The following KCNT1 variants were observed in gnomAD, a reference collection of about 807,000 sequenced individuals.
KCNT1 encodes potassium sodium-activated channel subfamily T member 1.
KCNT1 carries 78 observed loss-of-function variants against 147.8 expected under a neutral mutation model. The observed-to-expected ratio is 0.53, with a 90% CI of 0.44 to 0.64. KCNT1 has a LOEUF of 0.64. KCNT1 is among the 30% of genes least tolerant of loss of function. KCNT1 has a pLI of 0.00. For synonymous variants in KCNT1, 867 were observed against 748.8 expected (o/e 1.16, Z -2.58); for missense variants, 1,419 against 1,750.3 (o/e 0.81, Z 3.38).
At chr9:135,745,807 G>A (rs1830802374) in intron 2 of KCNT1, among the ~76,000 whole-genome samples, 1 of 152,242 alleles carries the variant, frequency 6.6e-6, no homozygotes, top group Non-Finnish European at 1.5e-5. Flanking sequence ...AGGGCTCACT[G>A]GGTCTCAGCC....
intron 1 of KCNT1, among the ~76,000 whole-genome samples, chr9:135,708,043 A>G (rs143502371): frequency 2.6e-5 from 4 of 152,308 alleles, no homozygotes; most frequent in African/African-American, 9.6e-5. Context: ...GTGCAAAGGA[A>G]GCGTTGAGTT....
chr9:135,710,734 T>C (rs1373037192), intron 1 of KCNT1, among the ~76,000 whole-genome samples: 1 of 152,224 alleles, frequency 6.6e-6, no homozygotes, highest in African/African-American at 2.4e-5. Context: ...CTGCTGTGGC[T>C]GTTCTTGCAC....
chr9:135,725,689 G>A (rs1267979251), intron 2 of KCNT1, among the ~76,000 whole-genome samples: 1 of 152,192 alleles, frequency 6.6e-6, no homozygotes, highest in African/African-American at 2.4e-5. Flanking sequence ...AGCCGGGGGG[G>A]CCCCAGGGGC....
chr9:135,708,649 TA>T (rs1835354165), intron 1 of KCNT1, among the ~76,000 whole-genome samples: 2 of 152,178 alleles, frequency 1.3e-5, no homozygotes, highest in Admixed American at 1.3e-4. Context: ...CTCATGGGCT[TA>T]AATGATCCTC....
intron 18 of KCNT1, 110 bp from the exon 19 acceptor site, chr9:135,772,605 C>CA: frequency 2.8e-6 from 2 of 713,518 alleles, no homozygotes; most frequent in Non-Finnish European, 4.1e-6. Context: ...GCACAGGAGC[C>CA]AGGCCATGAC....
rs1831128937 is a variant in KCNT1, at chr9:135,750,998, A to G, written c.391A>G (p.Ile131Val). 2 of 1,613,072 alleles carry G rather than the reference A, an allele frequency of 1.2e-6. No homozygotes were observed. The highest frequency in any genetic ancestry group is 1.1e-5 in the South Asian group (1 of 91,082). ...GAAGCTGCTCACCTGCCTGCTCTAC[A>G]TTGTGCGCGTCCTGCTCGATGACCC... Reference protein sequence around the residue: ...SLKLLTCLLYIVRVLLDDPAL... With the variant: ...SLKLLTCLLYVVRVLLDDPAL... The change falls in exon 4 of 31, where the codon ATT (isoleucine) becomes GTT (valine). Residue 131 changes from isoleucine (I) to valine (V), a missense_variant. Physicochemically the swap from Ile to Val is conservative, Grantham distance 29. Coordinates refer to ENST00000371757, the MANE Select transcript of KCNT1 (RefSeq NM_020822.3).
chr9:135,743,119 G>T (rs10776841), intron 2 of KCNT1, among the ~76,000 whole-genome samples: 57,164 of 151,928 alleles, frequency 0.38, 10,898 homozygotes, highest in South Asian at 0.46. Flanking sequence ...GCCTCCCAGG[G>T]ACAGGCAGGC....
At chr9:135,736,839 G>A in intron 2 of KCNT1, 1 of 332,662 alleles carries the variant, frequency 3.0e-6, no homozygotes, top group African/African-American at 2.2e-5. Flanking sequence ...CTTGCATCCT[G>A]CTCGGGCTGC....
At chr9:135,776,547 G>A (rs1003727481) in intron 20 of KCNT1, among the ~76,000 whole-genome samples, 1 of 152,138 alleles carries the variant, frequency 6.6e-6, no homozygotes, top group Admixed American at 6.5e-5. Flanking sequence ...GGTTACAGGC[G>A]TGAGCCACCA....
chr9:135,702,324 C>T lies in KCNT1; in HGVS notation c.66C>T (p.Tyr22=). ...GCCGGGAGGCGCGCGGCGGGGGCTA[C>T]ACCAACCGGACCTTCGAGTTTGACG... ...GVCREARGGG[Y]TNRTFEFDDG... is the part of the protein sequence containing the mutation. The change falls in exon 1 of 31, where the codon TAC becomes TAT. Residue 22 remains tyrosine, a synonymous_variant. Transcript: ENST00000371757. 1 of 1,611,680 alleles carries T rather than the reference C, an allele frequency of 6.2e-7. No individual in the cohort carries two copies. The highest frequency in any genetic ancestry group is 8.5e-7 in the Non-Finnish European group (1 of 1,179,364).
chr9:135,724,780 G>GC (rs1201675021), intron 2 of KCNT1, among the ~76,000 whole-genome samples: 1 of 152,254 alleles, frequency 6.6e-6, no homozygotes, highest in African/African-American at 2.4e-5. Flanking sequence ...CGGCTGGGCT[G>GC]CCCCGAGAGG....
intron 2 of KCNT1, among the ~76,000 whole-genome samples, chr9:135,732,024 A>AGAGGGAGAGAGG (rs1208253390): frequency 1.1e-4 from 7 of 65,118 alleles, no homozygotes; most frequent in Non-Finnish European, 1.9e-4. Context: ...AGAGAGAGAG[A>AGAGGGAGAGAGG]GAGAGAGAGA....
At chr9:135,751,620 T>A (rs922540172) in intron 4 of KCNT1, among the ~76,000 whole-genome samples, 1 of 152,214 alleles carries the variant, frequency 6.6e-6, no homozygotes, top group Non-Finnish European at 1.5e-5. Context: ...AGTCCTGTTC[T>A]GTCTCCTTCT....
In KCNT1 at chr9:135,786,250, G is replaced by A. The variant is rs375957383; in HGVS notation, c.3231G>A (p.Gly1077=). The part of the protein sequence containing the change: ...EDCEDTREVK[G]PWGSRAGTGG... ...GTGAGGACACACGGGAAGTGAAGGG[G>A]CCCTGGGGCTCCCGCGCTGGCACCG... The change falls in exon 29 of 31, where the codon GGG becomes GGA. Residue 1077 remains glycine, a synonymous_variant. Coordinates refer to ENST00000371757, the MANE Select transcript of KCNT1 (RefSeq NM_020822.3). 2.5e-6 allele frequency: 4 copies of A among 1,611,372 alleles called. No homozygotes were observed. In the African/African-American group the frequency reaches 5.3e-5, roughly 22 times the overall value.
intron 1 of KCNT1, among the ~76,000 whole-genome samples, chr9:135,712,979 C>A (rs1835562543): frequency 6.6e-6 from 1 of 152,194 alleles, no homozygotes; most frequent in African/African-American, 2.4e-5. Context: ...CTTCCTTCCC[C>A]TGGTGACTCC....
At chr9:135,761,870 C>T (rs905889670) in intron 11 of KCNT1, among the ~76,000 whole-genome samples, 1 of 152,234 alleles carries the variant, frequency 6.6e-6, no homozygotes, top group Non-Finnish European at 1.5e-5. Flanking sequence ...GCTCCACCTT[C>T]GGGCTGCGTC....
chr9:135,743,815 G>C (rs921177797), intron 2 of KCNT1, among the ~76,000 whole-genome samples: 1 of 152,234 alleles, frequency 6.6e-6, no homozygotes, highest in African/African-American at 2.4e-5. Flanking sequence ...TGGGCCCCTG[G>C]CCAAGCTATG....
intron 20 of KCNT1, among the ~76,000 whole-genome samples, chr9:135,776,588 C>T (rs1005849050): frequency 2.0e-5 from 3 of 152,174 alleles, no homozygotes; most frequent in African/African-American, 4.8e-5. Context: ...TTTCCAGTTC[C>T]GGAATCTCTC....
chr9:135,718,124 T>C (rs949530660), intron 2 of KCNT1, among the ~76,000 whole-genome samples: 1 of 152,230 alleles, frequency 6.6e-6, no homozygotes, highest in African/African-American at 2.4e-5. Flanking sequence ...GTCTGATGCC[T>C]CTATCTGCCA....
Sources: allele counts gnomAD v4.1 joint callset (sites outside exome capture counted in the v4.1 genomes callset), GRCh38; gene constraint gnomAD v4.1.1; transcripts MANE v1.5; gene names NCBI Gene and HGNC (gene_info 2026-07-23, HGNC 2026-07-21).